The following L2HGDH variants were observed in gnomAD, a reference collection of about 807,000 sequenced individuals.
The protein encoded by L2HGDH is L-2-hydroxyglutarate dehydrogenase.
A neutral mutation model predicts 51.5 loss-of-function variants in L2HGDH; 34 were observed. The observed-to-expected ratio is 0.66, with a 90% CI of 0.50 to 0.88. The LOEUF (loss-of-function observed/expected upper bound fraction) is 0.88, where lower values mean the gene tolerates loss of function less well. Among genes scored for constraint, L2HGDH ranks in the 40% least tolerant of loss-of-function variants. L2HGDH has a pLI of 0.00. For synonymous variants in L2HGDH, 198 were observed against 197.9 expected (o/e 1.00, Z -0.01); for missense variants, 558 against 571.9 (o/e 0.98, Z 0.25).
intron 1 of L2HGDH, among the ~76,000 whole-genome samples, chr14:50,311,098 C>A (rs2031130063): frequency 6.6e-6 from 1 of 151,878 alleles, no homozygotes; most frequent in Admixed American, 6.6e-5. Context: ...CACCACCACG[C>A]CAGGCTAATT....
intron 9 of L2HGDH, among the ~76,000 whole-genome samples, chr14:50,249,296 A>C (rs1042660517): frequency 6.6e-6 from 1 of 152,228 alleles, no homozygotes; most frequent in African/African-American, 2.4e-5. Flanking sequence ...TCAGTGGACT[A>C]GGGTGGCATG....
In L2HGDH at chr14:50,243,288, A is replaced by C. The variant is rs1887869271; in HGVS notation, c.*3770T>G. ...ACAAACACTCTGAAGTTAAAATCTA[A>C]AATGCTCCACTTTTTACCCAAAATA... On this transcript the variant is annotated 3_prime_UTR_variant, in exon 10 of 10. Transcript: ENST00000267436. 1 of 985,280 alleles carries C rather than the reference A, an allele frequency of 1.0e-6. No homozygotes were observed. The allele number at this position is 985,280 out of a possible 1,614,324, so 61.0% of individuals were successfully genotyped here. A position where few individuals can be genotyped will look rare whatever the true frequency, so the allele number is the denominator to read the frequency against.
At chr14:50,279,827 G>A (rs1468677758) in intron 5 of L2HGDH, among the ~76,000 whole-genome samples, 2 of 152,102 alleles carry the variant, frequency 1.3e-5, no homozygotes, top group Non-Finnish European at 2.9e-5. Context: ...TTGGGAGGCC[G>A]AAGTGGGTGG....
chr14:50,298,796 TAGAA>T (rs1422511743), intron 3 of L2HGDH, among the ~76,000 whole-genome samples: 2 of 151,840 alleles, frequency 1.3e-5, no homozygotes, highest in East Asian at 3.9e-4. Context: ...CAAATGAAAA[TAGAA>T]AGACAACATA....
chr14:50,284,802 A>G (rs1890475836), intron 4 of L2HGDH, among the ~76,000 whole-genome samples: 1 of 152,208 alleles, frequency 6.6e-6, no homozygotes, highest in Non-Finnish European at 1.5e-5. Flanking sequence ...TGCTATTAAT[A>G]AATTCTGCCA....
At chr14:50,285,573 C>T (rs1297269539) in intron 4 of L2HGDH, among the ~76,000 whole-genome samples, 1 of 152,138 alleles carries the variant, frequency 6.6e-6, no homozygotes, top group Non-Finnish European at 1.5e-5. Flanking sequence ...TAGGATAATA[C>T]CAAGAGATTA....
At chr14:50,255,084 G>A (rs771695794) in intron 9 of L2HGDH, among the ~76,000 whole-genome samples, 1 of 151,854 alleles carries the variant, frequency 6.6e-6, no homozygotes, top group Non-Finnish European at 1.5e-5. Context: ...TTTTTCCTAC[G>A]ATTTCATTTT....
chr14:50,310,423 T>C (rs2031034961), intron 1 of L2HGDH, among the ~76,000 whole-genome samples: 2 of 152,056 alleles, frequency 1.3e-5, no homozygotes, highest in African/African-American at 2.4e-5. Context: ...AATAAAAGTA[T>C]AGGCCAGGCA....
intron 6 of L2HGDH, among the ~76,000 whole-genome samples, chr14:50,272,855 T>C (rs937034151): frequency 2.0e-5 from 3 of 151,920 alleles, no homozygotes; most frequent in African/African-American, 7.3e-5. Flanking sequence ...CCATGGGGAG[T>C]TCTCTATGAC....
intron 9 of L2HGDH, 39 bp from the exon 10 acceptor site, chr14:50,247,292 CA>C (rs1888064175): frequency 6.2e-7 from 1 of 1,600,008 alleles, no homozygotes; most frequent in South Asian, 1.1e-5. Context: ...GACTCAAAGA[CA>C]TAGGATACTT....
At chr14:50,285,116 G>A (rs374058682) in intron 4 of L2HGDH, among the ~76,000 whole-genome samples, 3 of 152,238 alleles carry the variant, frequency 2.0e-5, no homozygotes, top group South Asian at 4.1e-4. Context: ...ACGTGGTGGC[G>A]GGCACCTGTA....
Position 50,242,819 on chromosome 14 carries a change from A to C in L2HGDH, c.*4239T>G, listed in dbSNP as rs1424999898. The C allele has an allele frequency of 6.1e-6, 6 of 985,368 alleles. No homozygotes were observed. Among genetic ancestry groups the C allele is most frequent in the East Asian group, 1.1e-4 (1 of 8,836 alleles). 61.0% of individuals were successfully genotyped at this position (985,368 alleles called of 1,614,324 possible). On this transcript the variant is annotated 3_prime_UTR_variant, in exon 10 of 10. Coordinates refer to ENST00000267436, the MANE Select transcript of L2HGDH (RefSeq NM_024884.3). ...CTTTAGATAATAGTGTATGCGCAGA[A>C]AGATGAGGAAACCTCTGACCAAGAA...
At position 50,311,986 on chromosome 14, in the gene L2HGDH, G is replaced by A. The variant is rs746267142; in HGVS notation, c.140+25C>T. ...TCCGCGAGGGGCAGCAGCGCAGGCGGCGGGGAGGACCAGCGGCCACTCACC... is the reference window on the plus strand; with the variant it reads ...TCCGCGAGGGGCAGCAGCGCAGGCGACGGGGAGGACCAGCGGCCACTCACC... On this transcript the variant is annotated intron_variant, in intron 1 of 9. Coordinates refer to ENST00000267436, the MANE Select transcript of L2HGDH (RefSeq NM_024884.3). 4.5e-6 allele frequency: 7 copies of A among 1,549,438 alleles called. No homozygotes were observed. In the East Asian group the frequency reaches 1.2e-4, roughly 26 times the overall value.
At chr14:50,292,663 G>A (rs938407118) in intron 4 of L2HGDH, among the ~76,000 whole-genome samples, 13 of 152,202 alleles carry the variant, frequency 8.5e-5, no homozygotes, top group Middle Eastern at 3.4e-3. Context: ...CTGAGATTGC[G>A]CCATTGCACT....
chr14:50,247,255 T>C lies in L2HGDH; in HGVS notation c.1197-2A>G. On this transcript the variant is annotated splice_acceptor_variant, in intron 9 of 9. Transcript: ENST00000267436. LOFTEE classifies it high-confidence loss of function. ...TGGGCTCTTACTCCAGCTGGGCCCCTGCAAAAGTAAAAGATGGGAGTCAGC... is the reference window on the plus strand; with the variant it reads ...TGGGCTCTTACTCCAGCTGGGCCCCCGCAAAAGTAAAAGATGGGAGTCAGC... 6.2e-7 allele frequency: 1 copy of C among 1,612,128 alleles called. No individual in the cohort carries two copies. Among genetic ancestry groups the C allele is most frequent in the Non-Finnish European group, 8.5e-7 (1 of 1,178,964 alleles).
chr14:50,246,711 C>G lies in L2HGDH; in HGVS notation c.*347G>C, dbSNP rs1340492507. ...CTTCCCAAAGTGCTGGCCACGGCCC[C>G]CAGCCTAACATTTTGAAAATTATTA... is the stretch of plus-strand genomic sequence containing the variant. On this transcript the variant is annotated 3_prime_UTR_variant, in exon 10 of 10. Coordinates refer to ENST00000267436, the MANE Select transcript of L2HGDH (RefSeq NM_024884.3). 1 of 185,248 alleles carries G rather than the reference C, an allele frequency of 5.4e-6. No individual in the cohort carries two copies. Among genetic ancestry groups the G allele is most frequent in the African/African-American group, 2.4e-5 (1 of 41,750 alleles). The allele number at this position is 185,248 out of a possible 1,614,324, so 11.5% of individuals were successfully genotyped here.
In L2HGDH at chr14:50,244,719, T is replaced by C; in HGVS notation, c.*2339A>G. 1 of 985,458 alleles carries C rather than the reference T, an allele frequency of 1.0e-6. No individual in the cohort carries two copies. Among genetic ancestry groups the C allele is most frequent in the Non-Finnish European group, 1.2e-6 (1 of 829,944 alleles). 61.0% of individuals were successfully genotyped at this position (985,458 alleles called of 1,614,324 possible). A position where few individuals can be genotyped will look rare whatever the true frequency, so the allele number is the denominator to read the frequency against. On this transcript the variant is annotated 3_prime_UTR_variant, in exon 10 of 10. Coordinates refer to ENST00000267436, the MANE Select transcript of L2HGDH (RefSeq NM_024884.3). ...TAGCCTTTCAAATTAATGGATGAGG[T>C]AGCTCAATCAATGTAATCATCAATG...
chr14:50,300,921 C>T (rs979753770), intron 3 of L2HGDH, among the ~76,000 whole-genome samples: 2 of 152,040 alleles, frequency 1.3e-5, no homozygotes, highest in Non-Finnish European at 2.9e-5. Flanking sequence ...ATCTCCCAGG[C>T]TCAAGCAGTC....
intron 4 of L2HGDH, among the ~76,000 whole-genome samples, chr14:50,292,459 A>G (rs1890934627): frequency 6.6e-6 from 1 of 152,188 alleles, no homozygotes; most frequent in South Asian, 2.1e-4. Flanking sequence ...GTAATCCCAG[A>G]ACTTTGGGAG....
Sources: allele counts gnomAD v4.1 joint callset (sites outside exome capture counted in the v4.1 genomes callset), GRCh38; gene constraint gnomAD v4.1.1; transcripts MANE v1.5; gene names NCBI Gene and HGNC (gene_info 2026-07-23, HGNC 2026-07-21).